The following CAPRIN2 variants were observed in gnomAD, a reference collection of about 807,000 sequenced individuals.
CAPRIN2 encodes caprin-2.
CAPRIN2 carries 66 observed loss-of-function variants against 130.4 expected under a neutral mutation model. The observed-to-expected ratio is 0.51, with a 90% CI of 0.42 to 0.62. The LOEUF is 0.62. Among genes scored for constraint, CAPRIN2 ranks in the 20% least tolerant of loss-of-function variants. The probability of loss-of-function intolerance (pLI) is 0.00; values close to 1 mark genes in which losing one functional copy is unlikely to be tolerated. For synonymous variants in CAPRIN2, 471 were observed against 444.1 expected, an observed-to-expected ratio of 1.06 and a Z score of -0.76; for missense variants, 1,185 against 1,246.6, an observed-to-expected ratio of 0.95 and a Z score of 0.74.
chr12:30,729,374 T>C (rs759038680), intron 7 of CAPRIN2, 49 bp from the exon 9 acceptor site: 2 of 1,347,622 alleles, frequency 1.5e-6, no homozygotes, highest in Non-Finnish European at 2.0e-6. Context: ...TAGAAGACCT[T>C]GGAGGGAATA....
At chr12:30,751,003 T>C in intron 2 of CAPRIN2, 68 bp downstream of exon 3, 1 of 1,153,278 alleles carries the variant, frequency 8.7e-7, no homozygotes, top group Admixed American at 1.7e-5. Context: ...CTGATCGCAC[T>C]AAATCCATGT....
At chr12:30,726,523 T>C (rs1247055736) in intron 8 of CAPRIN2, among the ~76,000 whole-genome samples, 5 of 152,130 alleles carry the variant, frequency 3.3e-5, no homozygotes, top group African/African-American at 1.2e-4. Flanking sequence ...AATACATATA[T>C]AAGTACATAC....
intron 15 of CAPRIN2, 29 bp from the exon 18 acceptor site, chr12:30,711,658 G>T: frequency 6.3e-7 from 1 of 1,578,050 alleles, no homozygotes. Flanking sequence ...ATTTACCTTG[G>T]CATCAAAAAT....
chr12:30,742,775 C>T (rs2068119717), intron 2 of CAPRIN2, among the ~76,000 whole-genome samples: 1 of 151,924 alleles, frequency 6.6e-6, no homozygotes, highest in Non-Finnish European at 1.5e-5. Context: ...GGAGCCTCAA[C>T]ACTGTTGGAA....
At chr12:30,725,410 C>A (rs892592936) in intron 9 of CAPRIN2, among the ~76,000 whole-genome samples, 3 of 152,198 alleles carry the variant, frequency 2.0e-5, no homozygotes, top group African/African-American at 7.2e-5. Flanking sequence ...ATTCAAAGCT[C>A]AGGATCTTTT....
chr12:30,725,883 T>C, intron 9 of CAPRIN2, 83 bp downstream of exon 10: 1 of 1,233,804 alleles, frequency 8.1e-7, no homozygotes, highest in Admixed American at 2.7e-5. Context: ...GACAGAATAA[T>C]CTATGCTCTT....
chr12:30,744,038 C>T (rs564572800), intron 2 of CAPRIN2, among the ~76,000 whole-genome samples: 1 of 152,164 alleles, frequency 6.6e-6, no homozygotes, highest in Non-Finnish European at 1.5e-5. Flanking sequence ...CCTCCTTCTG[C>T]CCCAGTGGTC....
chr12:30,730,143 C>A, intron 7 of CAPRIN2, 96 bp downstream of exon 8: 2 of 993,554 alleles, frequency 2.0e-6, no homozygotes, highest in Non-Finnish European at 3.1e-6. Flanking sequence ...AGGGTTCAAG[C>A]TCAGGCAGTC....
intron 8 of CAPRIN2, chr12:30,728,328 T>C: frequency 4.8e-6 from 1 of 210,472 alleles, no homozygotes; most frequent in Non-Finnish European, 9.6e-6. Flanking sequence ...GCCGAGGCGG[T>C]TGGATCACGA....
Position 30,724,405 on chromosome 12 carries a change from G to T in CAPRIN2, c.1952C>A (p.Ser651Ter). The stretch of plus-strand genomic sequence containing the variant: ...ACCTGGAGTAGCTGAAGGCGGTTGT[G>T]ACGTTGGAATTGCACTTGAAGGTTT... The change falls in exon 10 of 17, where the codon TCA (serine) becomes TAA (stop). Residue 651 changes from serine to a stop codon, truncating the protein, a stop_gained. Transcript: ENST00000298892. LOFTEE classifies it high-confidence loss of function. 6.2e-7 allele frequency: 1 copy of T among 1,613,346 alleles called. No individual in the cohort carries two copies. Among genetic ancestry groups the T allele is most frequent in the South Asian group, 1.1e-5 (1 of 91,048 alleles).
rs2057580038 is a variant in CAPRIN2, at chr12:30,716,420, A to C, written c.2317+88T>G. On this transcript the variant is annotated intron_variant, in intron 13 of 16. Transcript: ENST00000298892. Reference sequence around the variant, plus strand: ...GCTTACTGGTCAGGAAAATACTTCTAAAGTGTCACTACAGACTTCCTAGAC... The same window carrying C: ...GCTTACTGGTCAGGAAAATACTTCTCAAGTGTCACTACAGACTTCCTAGAC... 11 of 1,200,224 alleles carry C rather than the reference A, an allele frequency of 9.2e-6. No homozygotes were observed. In the South Asian group the frequency reaches 1.4e-4, roughly 16 times the overall value. 74.3% of individuals were successfully genotyped at this position (1,200,224 alleles called of 1,614,324 possible).
intron 11 of CAPRIN2, among the ~76,000 whole-genome samples, chr12:30,722,011 G>A (rs2059561946): frequency 6.6e-6 from 1 of 152,218 alleles, no homozygotes; most frequent in Admixed American, 6.5e-5. Flanking sequence ...CCCAAGAAAA[G>A]TAGAACTGGC....
rs78209258 is a variant in CAPRIN2, at chr12:30,714,832, C to T, written c.2500+127G>A. On this transcript the variant is annotated intron_variant, in intron 14 of 16. Transcript: ENST00000298892. The stretch of plus-strand genomic sequence containing the variant: ...GGTATATTAAAAATACTTTATTATC[C>T]ACAAACAGGAAATTCTCTACTACGT... 6.8e-3 allele frequency: 4,375 copies of T among 640,248 alleles called. 18 individuals are homozygous for T. The highest frequency in any genetic ancestry group is 9.9e-3 in the Non-Finnish European group (3,694 of 374,072). The allele number at this position is 640,248 out of a possible 1,614,324, so 39.7% of individuals were successfully genotyped here. A position where few individuals can be genotyped will look rare whatever the true frequency, so the allele number is the denominator to read the frequency against.
In CAPRIN2 at chr12:30,724,734, T is replaced by C. The variant is rs908937734; in HGVS notation, c.1906-283A>G. 3.3e-5 allele frequency among the ~76,000 whole-genome samples: 5 copies of C among 152,170 alleles called. No homozygotes were observed. The South Asian group carries it at 1.0e-3, about 31-fold the overall frequency. ...GGCCGTGCGCAGTGGCTCACACCTG[T>C]AACCCCAGCACTCTGGGAGGCTGAG... On this transcript the variant is annotated intron_variant, in intron 9 of 16. Transcript: ENST00000298892.
chr12:30,720,818 G>A (rs1565577330), exon 12 of CAPRIN2: 1 of 1,584,048 alleles, frequency 6.3e-7, no homozygotes, highest in Non-Finnish European at 8.7e-7. Context: ...TACCTCAGGA[G>A]TCTCTGAGGT....
Position 30,725,575 on chromosome 12 carries a change from G to GAATATACTAC in CAPRIN2, c.1905+390_1905+391insGTAGTATATT, listed in dbSNP as rs1311050863. Among the ~76,000 whole-genome samples the GAATATACTAC allele has an allele frequency of 6.8e-4, 104 of 152,154 alleles. 2 individuals are homozygous for GAATATACTAC. The South Asian group carries it at 0.013, about 19-fold the overall frequency. ...ATAAATTTACAATCTTCTACAACTGGAATATAAATTCCTTGAAGGCAATGA... is the reference window on the plus strand; with the variant it reads ...ATAAATTTACAATCTTCTACAACTGGAATATACTACAATATAAATTCCTTGAAGGCAATGA... On this transcript the variant is annotated intron_variant, in intron 9 of 16. Transcript: ENST00000298892.
chr12:30,718,376 C>T (rs1465689255), intron 12 of CAPRIN2, among the ~76,000 whole-genome samples: 3 of 152,130 alleles, frequency 2.0e-5, no homozygotes, highest in Non-Finnish European at 2.9e-5. Flanking sequence ...GCCTGCTTTC[C>T]ATGCTACTCC....
chr12:30,753,701 T>TA lies in CAPRIN2; in HGVS notation c.62dup (p.Leu21PhefsTer6). The TA allele has an allele frequency of 6.2e-7, 1 of 1,614,060 alleles. No individual in the cohort carries two copies. The highest frequency in any genetic ancestry group is 1.1e-5 in the South Asian group (1 of 91,076). ...CCCTGGAAAGTCTAGACCACTCCCT[T>TA]AAACTCTTTTCCACAGAAGTGAGCT... On this transcript the variant is annotated frameshift_variant, in exon 1 of 17. Coordinates refer to ENST00000298892, the Ensembl canonical transcript of CAPRIN2. LOFTEE classifies it high-confidence loss of function.
In CAPRIN2 at chr12:30,710,743, G is replaced by A. The variant is rs1313513002; in HGVS notation, c.2666-273C>T. ...GGCCCCCAAAAGGCCAGATAACTTA[G>A]CAAAGTCTAAAACTCAGGTCTGAAC... On this transcript the variant is annotated intron_variant, in intron 16 of 16. Transcript: ENST00000298892. The surrounding 1 kb of genome is among the most constrained non-coding windows in gnomAD (Gnocchi z 4.8). Among the ~76,000 whole-genome samples, 2 of 152,032 alleles carry A rather than the reference G, an allele frequency of 1.3e-5. No homozygotes were observed. The highest frequency in any genetic ancestry group is 1.3e-4 in the Admixed American group (2 of 15,266).
Sources: gnomAD v4.1 joint callset for allele counts (sites outside exome capture counted in the v4.1 genomes callset) on GRCh38, gnomAD v4.1.1 for gene constraint, Gnocchi (gnomAD v3.1) non-coding constraint, MANE v1.5 for transcripts, NCBI Gene and HGNC (gene_info 2026-07-23, HGNC 2026-07-21) for gene names.